PDSS1: variants seen among roughly 807,000 people sequenced by gnomAD.
The protein encoded by PDSS1 is decaprenyl diphosphate synthase subunit 1.
In PDSS1, 43 loss-of-function variants were observed where a neutral mutation model predicts 57.5. That is an observed-to-expected ratio of 0.75 (90% confidence interval 0.59 to 0.96). The LOEUF is 0.96. Among genes scored for constraint, PDSS1 ranks in the 50% least tolerant of loss-of-function variants. PDSS1 has a pLI of 0.00. For synonymous variants in PDSS1, 175 were observed against 191.3 expected (o/e 0.91, Z 0.70); for missense variants, 438 against 527.8 (o/e 0.83, Z 1.67).
chr10:26,739,808 C>T (rs1836524340), intron 10 of PDSS1, among the ~76,000 whole-genome samples: 1 of 152,136 alleles, frequency 6.6e-6, no homozygotes, highest in Admixed American at 6.5e-5. Context: ...TTGACACCAG[C>T]CTAGGCAACA....
intron 10 of PDSS1, among the ~76,000 whole-genome samples, chr10:26,736,969 G>A (rs1489753860): frequency 6.6e-6 from 1 of 152,108 alleles, no homozygotes; most frequent in Non-Finnish European, 1.5e-5. Flanking sequence ...GAAAAATGAG[G>A]CACTGGCTAC....
intron 2 of PDSS1, among the ~76,000 whole-genome samples, chr10:26,703,943 A>G (rs1835124558): frequency 6.6e-6 from 1 of 151,686 alleles, no homozygotes; most frequent in South Asian, 2.1e-4. Context: ...TAGCCAGGCG[A>G]GGTGGTGGGC....
At chr10:26,734,268 C>T (rs1414374175) in intron 8 of PDSS1, among the ~76,000 whole-genome samples, 1 of 152,238 alleles carries the variant, frequency 6.6e-6, no homozygotes, top group African/African-American at 2.4e-5. Context: ...GACCGAAGGT[C>T]AGGGGACAGG....
chr10:26,722,897 A>C (rs1190065766), intron 6 of PDSS1, among the ~76,000 whole-genome samples: 1 of 146,710 alleles, frequency 6.8e-6, no homozygotes, highest in African/African-American at 2.5e-5. Context: ...CAATGGAAAA[A>C]CTTTTTTTTT....
chr10:26,704,852 G>A, intron 3 of PDSS1, 111 bp downstream of exon 3: 3 of 692,982 alleles, frequency 4.3e-6, no homozygotes, highest in Non-Finnish European at 7.8e-6. Flanking sequence ...GCCCAGGCTG[G>A]TCTTGAACTG....
chr10:26,735,383 T>A, intron 9 of PDSS1, 63 bp downstream of exon 9: 1 of 1,369,932 alleles, frequency 7.3e-7, no homozygotes, highest in Non-Finnish European at 1.0e-6. Flanking sequence ...TCTCCCCTAG[T>A]GTGTAATCGT....
At chr10:26,704,535 A>C in intron 2 of PDSS1, 142 bp from the exon 3 acceptor site, 2 of 597,786 alleles carry the variant, frequency 3.3e-6, no homozygotes, top group Admixed American at 3.1e-5. Context: ...GAAACTTTAA[A>C]ATTATTCTTC....
intron 1 of PDSS1, among the ~76,000 whole-genome samples, chr10:26,701,424 T>C (rs1467740184): frequency 6.6e-6 from 1 of 152,218 alleles, no homozygotes; most frequent in African/African-American, 2.4e-5. Context: ...ATTCATGGGC[T>C]GGGCCCAGGG....
intron 1 of PDSS1, among the ~76,000 whole-genome samples, chr10:26,699,397 CTT>C (rs760230667): frequency 3.7e-4 from 50 of 136,684 alleles, no homozygotes; most frequent in Admixed American, 3.6e-4. Context: ...TCTTCTTCTT[CTT>C]TTTTTTTTTT....
intron 8 of PDSS1, among the ~76,000 whole-genome samples, chr10:26,732,656 T>G (rs2132293945): frequency 6.6e-6 from 1 of 152,344 alleles, no homozygotes; most frequent in South Asian, 2.1e-4. Context: ...ACTTAAGATG[T>G]GAGAACTCTC....
intron 10 of PDSS1, chr10:26,740,779 A>C (rs1336473950): frequency 2.3e-6 from 1 of 438,824 alleles, no homozygotes; most frequent in East Asian, 7.1e-5. Context: ...GAAGCCTAAG[A>C]CCCCAGGGGC....
intron 11 of PDSS1, 75 bp downstream of exon 11, chr10:26,742,652 TTAAC>T: frequency 1.2e-6 from 1 of 824,436 alleles, no homozygotes; most frequent in Non-Finnish European, 2.1e-6. Flanking sequence ...AAATGTAACA[TTAAC>T]TAAACATTAA....
intron 8 of PDSS1, among the ~76,000 whole-genome samples, chr10:26,727,097 C>G (rs976310919): frequency 6.6e-6 from 1 of 151,542 alleles, no homozygotes; most frequent in African/African-American, 2.4e-5. Context: ...ATGTTATTAT[C>G]AAAAGATGAC....
chr10:26,731,527 G>A (rs116116814), intron 8 of PDSS1, among the ~76,000 whole-genome samples: 2,851 of 152,210 alleles, frequency 0.019, 89 homozygotes, highest in African/African-American at 0.066. Context: ...TGTTGTGAGA[G>A]GAGTGCCTGC....
At position 26,704,724 on chromosome 10, in the gene PDSS1, T is replaced by A; in HGVS notation, c.210T>A (p.Asn70Lys). 7.0e-7 allele frequency: 1 copy of A among 1,435,774 alleles called. No homozygotes were observed. The allele number at this position is 1,435,774 out of a possible 1,614,324, so 88.9% of individuals were successfully genotyped here. ...AGCATTTAACATCTGCCTGTCCAAA[T>A]GTATGTCGTATATCACGGTAAGTTT... ...LVKHLTSACP[N>K]VCRISRFHHT... Residue 70 changes from asparagine (N) to lysine (K), a missense_variant, in exon 3 of 12, where the codon AAT (asparagine) becomes AAA (lysine). Transcript: ENST00000376215.
intron 5 of PDSS1, chr10:26,718,048 G>T (rs56275544): frequency 0.41 from 61,370 of 150,622 alleles, 12,821 homozygotes; most frequent in East Asian, 0.6. Context: ...GGGGTTTTTG[G>T]TTTTTTTGTG....
chr10:26,726,929 G>T (rs896472788), intron 8 of PDSS1, among the ~76,000 whole-genome samples: 1 of 152,052 alleles, frequency 6.6e-6, no homozygotes, highest in African/African-American at 2.4e-5. Context: ...GGGCGTGGTG[G>T]TGCACGCCTG....
In PDSS1 at chr10:26,724,022, C is replaced by A; in HGVS notation, c.730C>A (p.Leu244Ile). 6.2e-7 allele frequency: 1 copy of A among 1,613,544 alleles called. No homozygotes were observed. The highest frequency in any genetic ancestry group is 8.5e-7 in the Non-Finnish European group (1 of 1,179,464). The change falls in exon 8 of 12, where the codon CTT (leucine) becomes ATT (isoleucine). Residue 244 changes from leucine to isoleucine, a missense_variant. By Grantham distance (5) the Leu-to-Ile change is conservative (BLOSUM62 2). This residue lies in a region of PDSS1 where 284 missense variants were observed against 390.7 expected (regional missense o/e 0.73). Transcript: ENST00000376215. ...CCTTTCCTTCTTTATAGGTGAATTT[C>A]TTCAGCTCGGGTCAAAAGAAAATGA... is the stretch of plus-strand genomic sequence containing the variant. The part of the protein sequence containing the change: ...VIEDLVRGEF[L>I]QLGSKENENE...
At chr10:26,735,614 C>T in intron 10 of PDSS1, 35 bp downstream of exon 10, 1 of 1,148,632 alleles carries the variant, frequency 8.7e-7, no homozygotes, top group Non-Finnish European at 1.3e-6. Flanking sequence ...CACATCACTG[C>T]ATAGCCCCAC....
Sources: gnomAD v4.1 joint callset for allele counts (sites outside exome capture counted in the v4.1 genomes callset) on GRCh38, gnomAD v4.1.1 for gene constraint, gnomAD v4.1.1 regional missense constraint, MANE v1.5 for transcripts, NCBI Gene and HGNC (gene_info 2026-07-23, HGNC 2026-07-21) for gene names.